The following ROS1 variants were observed in gnomAD, a reference collection of about 807,000 sequenced individuals.
ROS1 encodes proto-oncogene tyrosine-protein kinase ROS.
In ROS1, 263 loss-of-function variants were observed where a neutral mutation model predicts 273.5. The observed-to-expected ratio is 0.96, with a 90% CI of 0.87 to 1.06. ROS1 has a LOEUF of 1.06. Ranked by LOEUF, ROS1 falls within the 50% of genes least tolerant of loss-of-function variation. ROS1 has a pLI of 0.00. For missense variants in ROS1, 2,833 were observed against 2,751.1 expected, an observed-to-expected ratio of 1.03 and a Z score of -0.67; for synonymous variants, 1,008 against 954.1, an observed-to-expected ratio of 1.06 and a Z score of -1.04.
intron 43 of ROS1, among the ~76,000 whole-genome samples, chr6:117,300,086 C>CTTTTTTTTTTTTTTTTTT (rs10700318): frequency 9.4e-5 from 3 of 31,840 alleles, no homozygotes; most frequent in African/African-American, 1.3e-4. Flanking sequence ...CCAGGACAGG[C>CTTTTTTTTTTTTTTTTTT]TTTTTTTTTT....
chr6:117,327,935 G>A (rs552121146), intron 33 of ROS1, among the ~76,000 whole-genome samples: 26 of 152,232 alleles, frequency 1.7e-4, no homozygotes, highest in African/African-American at 4.6e-4. Flanking sequence ...GCCAGTAAAC[G>A]CCAGAAGCTA....
chr6:117,307,876 C>A (rs1387479602), intron 42 of ROS1, among the ~76,000 whole-genome samples: 2 of 152,098 alleles, frequency 1.3e-5, no homozygotes, highest in African/African-American at 4.8e-5. Context: ...ATTCCTTTTG[C>A]ACTTGCCTGT....
At chr6:117,295,018 G>C (rs1463380119) in intron 43 of ROS1, among the ~76,000 whole-genome samples, 1 of 151,984 alleles carries the variant, frequency 6.6e-6, no homozygotes, top group African/African-American at 2.4e-5. Flanking sequence ...CTAAGCAAAA[G>C]GAACAAAACT....
intron 27 of ROS1, among the ~76,000 whole-genome samples, chr6:117,348,209 GC>G (rs958086409): frequency 6.6e-6 from 1 of 151,850 alleles, no homozygotes; most frequent in Non-Finnish European, 1.5e-5. Flanking sequence ...AATCCATCTG[GC>G]CCAGGTGCTT....
chr6:117,396,434 T>A (rs1157222663), intron 8 of ROS1, among the ~76,000 whole-genome samples, 170 bp from the exon 9 acceptor site: 2 of 152,170 alleles, frequency 1.3e-5, no homozygotes, highest in African/African-American at 4.8e-5. Context: ...CACATCCTTG[T>A]TTGCATTCCC....
intron 32 of ROS1, among the ~76,000 whole-genome samples, chr6:117,331,350 C>T (rs1356121326): frequency 6.6e-6 from 1 of 152,044 alleles, no homozygotes; most frequent in Non-Finnish European, 1.5e-5. Context: ...CATAAAAAGA[C>T]TGAACCTATG....
chr6:117,352,006 T>C (rs776026268), intron 27 of ROS1, among the ~76,000 whole-genome samples: 4 of 152,220 alleles, frequency 2.6e-5, no homozygotes, highest in Admixed American at 6.5e-5. Context: ...AGGAGAGTTA[T>C]AGTTAATTTA....
In ROS1 at chr6:117,379,088, G is replaced by A; in HGVS notation, c.2553C>T (p.His851=). 1 of 1,612,974 alleles carries A rather than the reference G, an allele frequency of 6.2e-7. No individual in the cohort carries two copies. The highest frequency in any genetic ancestry group is 1.1e-5 in the South Asian group (1 of 91,034). ...GTCCCCGAAGAACAGCTGTGTACAG[G>A]TGAATACATTGACTGTCTTGAACCA... The part of the protein sequence containing the change: ...YWLVQDSQCI[H]LYTAVLRGQS... Residue 851 remains histidine, a synonymous_variant, in exon 18 of 44, where the codon CAC becomes CAT. Coordinates refer to ENST00000368507, the MANE Select transcript of ROS1 (RefSeq NM_001378902.1).
chr6:117,326,030 A>G (rs1776600344), intron 34 of ROS1, among the ~76,000 whole-genome samples, 194 bp downstream of exon 34: 1 of 148,236 alleles, frequency 6.7e-6, no homozygotes, highest in South Asian at 2.2e-4. Context: ...CATGATGATA[A>G]TGATGTTTTA....
At chr6:117,360,051 A>G in intron 23 of ROS1, 40 bp from the exon 24 acceptor site, 3 of 1,531,962 alleles carry the variant, frequency 2.0e-6, no homozygotes, top group Non-Finnish European at 2.7e-6. Context: ...GCATGAGAAA[A>G]CTGACTTTAG....
intron 18 of ROS1, among the ~76,000 whole-genome samples, chr6:117,374,167 G>A (rs1397105214): frequency 6.6e-6 from 1 of 152,268 alleles, no homozygotes; most frequent in East Asian, 1.9e-4. Flanking sequence ...AACCAAAAAA[G>A]AGCCCATATA....
intron 42 of ROS1, among the ~76,000 whole-genome samples, chr6:117,303,195 A>T (rs1774863693): frequency 6.6e-6 from 1 of 152,194 alleles, no homozygotes; most frequent in Non-Finnish European, 1.5e-5. Context: ...CTGGAGCTAT[A>T]TGGCAGATCA....
In ROS1 at chr6:117,341,126, A is replaced by G; in HGVS notation, c.5061+9T>C. The G allele has an allele frequency of 6.3e-7, 1 of 1,578,380 alleles. No individual in the cohort carries two copies. Among genetic ancestry groups the G allele is most frequent in the Non-Finnish European group, 8.6e-7 (1 of 1,160,206 alleles). ...TATCATAAAATAAAGACTTGCATTAAAAGTCTACCTTCTGTAGCTCAACCC... is the reference window on the plus strand; with the variant it reads ...TATCATAAAATAAAGACTTGCATTAGAAGTCTACCTTCTGTAGCTCAACCC... On this transcript the variant is annotated intron_variant, in intron 31 of 43. Coordinates refer to ENST00000368507, the MANE Select transcript of ROS1 (RefSeq NM_001378902.1).
At chr6:117,369,817 A>G (rs1050091778) in intron 18 of ROS1, among the ~76,000 whole-genome samples, 30 of 152,266 alleles carry the variant, frequency 2.0e-4, no homozygotes, top group African/African-American at 6.7e-4. Context: ...TTGATCAATC[A>G]GATTTGTTGT....
chr6:117,403,713 T>C (rs1172040887), intron 6 of ROS1, among the ~76,000 whole-genome samples: 1 of 152,140 alleles, frequency 6.6e-6, no homozygotes, highest in Non-Finnish European at 1.5e-5. Flanking sequence ...TAATGACTAA[T>C]GAGGTGAATG....
chr6:117,421,869 C>A (rs1263340400), intron 1 of ROS1, among the ~76,000 whole-genome samples: 1 of 152,006 alleles, frequency 6.6e-6, no homozygotes, highest in Admixed American at 6.6e-5. Flanking sequence ...TTGATAATTT[C>A]TTTTTAGGGA....
intron 23 of ROS1, 135 bp downstream of exon 23, chr6:117,360,206 CA>C (rs1562313776): frequency 2.5e-6 from 2 of 806,198 alleles, no homozygotes; most frequent in Non-Finnish European, 3.8e-6. Context: ...GTGTTGGGGT[CA>C]AAAACATGTT....
At chr6:117,395,061 C>T (rs1417081720) in intron 9 of ROS1, among the ~76,000 whole-genome samples, 1 of 152,118 alleles carries the variant, frequency 6.6e-6, no homozygotes, top group African/African-American at 2.4e-5. Flanking sequence ...TGAGAATTGG[C>T]TCGGTGGAGG....
intron 34 of ROS1, among the ~76,000 whole-genome samples, chr6:117,324,754 T>G (rs1776519304): frequency 6.6e-6 from 1 of 152,168 alleles, no homozygotes; most frequent in Non-Finnish European, 1.5e-5. Context: ...ATAGTTGGCA[T>G]TATTATTTTG....
Sources: allele counts gnomAD v4.1 joint callset (sites outside exome capture counted in the v4.1 genomes callset), GRCh38; gene constraint gnomAD v4.1.1; transcripts MANE v1.5; gene names NCBI Gene and HGNC (gene_info 2026-07-23, HGNC 2026-07-21).